The following PALB2 variants were observed in gnomAD, a reference collection of about 807,000 sequenced individuals.
PALB2 encodes the protein partner and localizer of BRCA2.
A neutral mutation model predicts 107.4 loss-of-function variants in PALB2; 82 were observed. The ratio of observed to expected loss-of-function variants is 0.76; its 90% CI spans 0.64 to 0.92. The LOEUF is 0.92. PALB2 is among the 40% of genes least tolerant of loss of function. The pLI is 0.00. For missense variants in PALB2, 1,374 were observed against 1,379.9 expected (o/e 1.00, Z 0.07); for synonymous variants, 489 against 496.8 (o/e 0.98, Z 0.21).
intron 11 of PALB2, among the ~76,000 whole-genome samples, chr16:23,608,801 TACACACACACAC>T (rs10525601): frequency 7.6e-5 from 11 of 143,810 alleles, no homozygotes; most frequent in Non-Finnish European, 1.3e-4. Flanking sequence ...TGTATATATA[TACACACACACAC>T]ACACACACAC....
intron 11 of PALB2, among the ~76,000 whole-genome samples, chr16:23,611,023 A>C (rs945508499): frequency 2.6e-5 from 4 of 152,094 alleles, no homozygotes; most frequent in African/African-American, 9.7e-5. Context: ...TGGGTGACAG[A>C]GCAAGAATCT....
At chr16:23,623,287 C>T (rs1252122206) in intron 8 of PALB2, among the ~76,000 whole-genome samples, 157 bp from the exon 9 acceptor site, 2 of 148,392 alleles carry the variant, frequency 1.3e-5, no homozygotes, top group Admixed American at 1.4e-4. Context: ...CACTGCAACT[C>T]TGCCTCCCAG....
intron 11 of PALB2, among the ~76,000 whole-genome samples, chr16:23,613,761 A>G (rs1413987266): frequency 6.6e-6 from 1 of 152,206 alleles, no homozygotes; most frequent in African/African-American, 2.4e-5. Flanking sequence ...AATAGTTCTC[A>G]GTTCAAATCC....
intron 4 of PALB2, among the ~76,000 whole-genome samples, chr16:23,633,740 A>G (rs1458061472): frequency 6.6e-6 from 1 of 151,852 alleles, no homozygotes; most frequent in Non-Finnish European, 1.5e-5. Flanking sequence ...GTTTTGCTCT[A>G]TCACCCAGAC....
At chr16:23,615,098 A>C (rs903142478) in intron 10 of PALB2, among the ~76,000 whole-genome samples, 73 of 150,692 alleles carry the variant, frequency 4.8e-4, no homozygotes, top group African/African-American at 1.8e-3. Flanking sequence ...ACAGGCACCC[A>C]CCACCATGCC....
chr16:23,626,778 C>T (rs1966843499), intron 6 of PALB2, among the ~76,000 whole-genome samples: 1 of 152,000 alleles, frequency 6.6e-6, no homozygotes, highest in Non-Finnish European at 1.5e-5. Context: ...CCCGCCACCA[C>T]ACCCAGCTAA....
At position 23,641,100 on chromosome 16, in the gene PALB2, C is replaced by G. The variant is rs1311681895; in HGVS notation, c.48+10G>C. ...GAGTCCTGCGTCCGCCCTTCCCGCA[C>G]CCCCGGCACCTTTTCCTTCTCCTCA... is the stretch of plus-strand genomic sequence containing the variant. On this transcript the variant is annotated intron_variant, in intron 1 of 12. Transcript: ENST00000261584. The G allele has an allele frequency of 1.9e-6, 3 of 1,612,870 alleles. No individual in the cohort carries two copies. The highest frequency in any genetic ancestry group is 1.3e-5 in the African/African-American group (1 of 74,918).
In PALB2 at chr16:23,641,206, G is replaced by A. The variant is rs376865021; in HGVS notation, c.-49C>T. Reference sequence around the variant, plus strand: ...AGCAGCCGTCGCCGACCCCAGGCCTGCCGACACCGGGACCCAGTTGGCCCT... The same window carrying A: ...AGCAGCCGTCGCCGACCCCAGGCCTACCGACACCGGGACCCAGTTGGCCCT... On this transcript the variant is annotated 5_prime_UTR_variant, in exon 1 of 13. Transcript: ENST00000261584. 3.1e-6 allele frequency: 5 copies of A among 1,597,618 alleles called. No individual in the cohort carries two copies. The highest frequency in any genetic ancestry group is 3.4e-6 in the Non-Finnish European group (4 of 1,172,514).
intron 4 of PALB2, among the ~76,000 whole-genome samples, chr16:23,630,682 G>A (rs371452644): frequency 5.6e-4 from 85 of 152,268 alleles, no homozygotes; most frequent in Middle Eastern, 3.4e-3. Context: ...CAAAGAGTGA[G>A]CTTCTAAACT....
chr16:23,606,890 C>T (rs1419075429), intron 12 of PALB2, among the ~76,000 whole-genome samples: 3 of 144,676 alleles, frequency 2.1e-5, no homozygotes, highest in East Asian at 2.1e-4. Flanking sequence ...GGCACGATCT[C>T]GGCTCACTGC....
At chr16:23,613,561 T>C (rs549759036) in intron 11 of PALB2, among the ~76,000 whole-genome samples, 1 of 152,090 alleles carries the variant, frequency 6.6e-6, no homozygotes, top group South Asian at 2.1e-4. Flanking sequence ...GGACAATTAA[T>C]TGAACCTAGA....
At chr16:23,633,256 C>T (rs1168613871) in intron 4 of PALB2, among the ~76,000 whole-genome samples, 1 of 152,180 alleles carries the variant, frequency 6.6e-6, no homozygotes, top group Admixed American at 6.5e-5. Context: ...AGTCCATGTC[C>T]AATGGTACAG....
intron 11 of PALB2, among the ~76,000 whole-genome samples, chr16:23,613,107 G>A (rs772098452): frequency 1.1e-4 from 17 of 151,842 alleles, no homozygotes; most frequent in African/African-American, 1.2e-4. Context: ...TGATCAAGGC[G>A]GGGTATTTGG....
rs1555460606 is a variant in PALB2, at chr16:23,630,279, T to C, written c.1875A>G (p.Glu625=). The C allele has an allele frequency of 1.2e-6, 2 of 1,614,178 alleles. No homozygotes were observed. Among genetic ancestry groups the C allele is most frequent in the African/African-American group, 1.3e-5 (1 of 75,032 alleles). ...GTTTTTCTGAGCAGGACTTCACTTT[T>C]TCAAGCTTAAGAGGTCCAAAGTCTT... ...PDEDFGPLKL[E]KVKSCSEKPV... The change falls in exon 5 of 13, where the codon GAA becomes GAG. Residue 625 remains glutamate (E), a synonymous_variant. Coordinates refer to ENST00000261584, the MANE Select transcript of PALB2 (RefSeq NM_024675.4).
rs770145849 is a variant in PALB2, at chr16:23,630,006, A to T, written c.2148T>A (p.Asn716Lys). The T allele has an allele frequency of 5.0e-6, 8 of 1,614,042 alleles. No homozygotes were observed. The Admixed American group carries it at 1.3e-4, about 27-fold the overall frequency. The change falls in exon 5 of 13, where the codon AAT (asparagine) becomes AAA (lysine). Residue 716 changes from asparagine (N) to lysine (K), a missense_variant. By Grantham distance (94) the Asn-to-Lys change is moderately conservative. Coordinates refer to ENST00000261584, the MANE Select transcript of PALB2 (RefSeq NM_024675.4). ...AACACATGTCTGTGGTAGGCCTGTC[A>T]TTATCATCAGGCGCAACCGTATTTA... Reference protein sequence around the residue: ...TPLNTVAPDDNDRPTTDMCSP... With the variant: ...TPLNTVAPDDKDRPTTDMCSP...
chr16:23,613,470 C>G (rs1003564552), intron 11 of PALB2, among the ~76,000 whole-genome samples: 2 of 151,964 alleles, frequency 1.3e-5, no homozygotes, highest in Admixed American at 6.6e-5. Context: ...ATGGCAAAAC[C>G]CCATCTCTAC....
chr16:23,621,574 C>G, intron 9 of PALB2, 96 bp from the exon 10 acceptor site: 1 of 763,416 alleles, frequency 1.3e-6, no homozygotes, highest in Non-Finnish European at 2.3e-6. Flanking sequence ...TATAAACTAA[C>G]CTAATATCAG....
intron 11 of PALB2, among the ~76,000 whole-genome samples, chr16:23,610,811 G>A (rs762730446): frequency 6.6e-6 from 1 of 151,776 alleles, no homozygotes; most frequent in Non-Finnish European, 1.5e-5. Flanking sequence ...CGTGAGGCGG[G>A]TGGATCACAA....
chr16:23,633,176 T>C (rs1966902552), intron 4 of PALB2, among the ~76,000 whole-genome samples: 1 of 152,258 alleles, frequency 6.6e-6, no homozygotes, highest in Non-Finnish European at 1.5e-5. Context: ...TTTGTATCCT[T>C]GTTCGCTTAA....
Sources: gnomAD v4.1 joint callset for allele counts (sites outside exome capture counted in the v4.1 genomes callset) on GRCh38, gnomAD v4.1.1 for gene constraint, MANE v1.5 for transcripts, NCBI Gene and HGNC (gene_info 2026-07-23, HGNC 2026-07-21) for gene names.